The following GABRG2 variants were observed in gnomAD, a reference collection of about 807,000 sequenced individuals.
The protein encoded by GABRG2 is gamma-aminobutyric acid type A receptor subunit gamma2.
Under a neutral mutation model 56.4 loss-of-function variants are expected in GABRG2, and 16 were observed. The ratio of observed to expected loss-of-function variants is 0.28; its 90% CI spans 0.19 to 0.43. The LOEUF is 0.43. Ranked by LOEUF, GABRG2 falls within the 20% of genes least tolerant of loss-of-function variation. GABRG2 has a pLI of 1.00. For synonymous variants in GABRG2, 208 were observed against 205.5 expected, an observed-to-expected ratio of 1.01 and a Z score of -0.10; for missense variants, 327 against 582.7, an observed-to-expected ratio of 0.56 and a Z score of 4.52.
chr5:162,067,982 AG>A lies in GABRG2; in HGVS notation c.-16del, dbSNP rs758313419. 8.1e-6 allele frequency: 12 copies of A among 1,488,834 alleles called. No homozygotes were observed. The highest frequency in any genetic ancestry group is 1.1e-5 in the Non-Finnish European group (12 of 1,067,716). 92.2% of individuals were successfully genotyped at this position (1,488,834 alleles called of 1,614,324 possible). On this transcript the variant is annotated 5_prime_UTR_variant, in exon 1 of 10. Coordinates refer to ENST00000639213, the MANE Select transcript of GABRG2 (RefSeq NM_198904.4). Reference sequence around the variant, plus strand: ...CAACCAAGAGGCAAGAGGCGAGAGAAGGAAAAAAAAAAAAGCGATGAGTTCG... The same window carrying A: ...CAACCAAGAGGCAAGAGGCGAGAGAAGAAAAAAAAAAAAGCGATGAGTTCG...
At chr5:162,144,663 T>C (rs1764824512) in intron 7 of GABRG2, among the ~76,000 whole-genome samples, 1 of 152,190 alleles carries the variant, frequency 6.6e-6, no homozygotes, top group Admixed American at 6.5e-5. Context: ...CAAGGTTAGA[T>C]GACATCCACA....
At chr5:162,143,791 G>A (rs1764756672) in intron 7 of GABRG2, among the ~76,000 whole-genome samples, 1 of 152,056 alleles carries the variant, frequency 6.6e-6, no homozygotes, top group African/African-American at 2.4e-5. Flanking sequence ...TAAAGTATTC[G>A]ATGCAAATTG....
intron 6 of GABRG2, among the ~76,000 whole-genome samples, chr5:162,141,721 C>T (rs1284047878): frequency 6.6e-6 from 1 of 152,108 alleles, no homozygotes; most frequent in Non-Finnish European, 1.5e-5. Context: ...GTGTCAAGCA[C>T]CAGGATATCC....
chr5:162,122,728 TA>T (rs1763058179), intron 6 of GABRG2, among the ~76,000 whole-genome samples: 1 of 151,698 alleles, frequency 6.6e-6, no homozygotes, highest in Non-Finnish European at 1.5e-5. Context: ...GCTTCATCAG[TA>T]AATATATTTA....
At chr5:162,077,791 A>G (rs1250276129) in intron 1 of GABRG2, among the ~76,000 whole-genome samples, 2 of 152,144 alleles carry the variant, frequency 1.3e-5, no homozygotes, top group Non-Finnish European at 2.9e-5. Context: ...GGTCCTGGCC[A>G]TCTTAAGGTG....
At chr5:162,070,856 G>A (rs772097891) in intron 1 of GABRG2, among the ~76,000 whole-genome samples, 1 of 151,816 alleles carries the variant, frequency 6.6e-6, no homozygotes, top group Non-Finnish European at 1.5e-5. Context: ...ATATTCAACA[G>A]GAGTATTTTC....
intron 6 of GABRG2, among the ~76,000 whole-genome samples, chr5:162,132,100 A>G (rs796096184): frequency 1.3e-5 from 2 of 151,688 alleles, no homozygotes; most frequent in South Asian, 4.2e-4. Context: ...TCAGGTTGCT[A>G]TGGAGAATTT....
chr5:162,110,878 A>G (rs1418673778), intron 6 of GABRG2, among the ~76,000 whole-genome samples: 1 of 152,160 alleles, frequency 6.6e-6, no homozygotes, highest in East Asian at 1.9e-4. Context: ...GCTTCAATTT[A>G]GAAAGTTAGC....
chr5:162,081,081 C>T (rs903587424), intron 1 of GABRG2, among the ~76,000 whole-genome samples: 9 of 151,638 alleles, frequency 5.9e-5, no homozygotes, highest in South Asian at 2.1e-4. Context: ...TATTTCCTAC[C>T]GATAAAATTT....
At chr5:162,068,858 G>A (rs941927393) in intron 1 of GABRG2, among the ~76,000 whole-genome samples, 27 of 152,078 alleles carry the variant, frequency 1.8e-4, no homozygotes, top group Admixed American at 2.6e-4. Context: ...CCTTGATATG[G>A]GAAGGGGACT....
intron 4 of GABRG2, chr5:162,099,266 A>G (rs1451615447): frequency 6.6e-6 from 1 of 151,522 alleles, no homozygotes; most frequent in Admixed American, 6.6e-5. Flanking sequence ...GTTTATTTTT[A>G]TTTATTTATT....
chr5:162,149,084 C>T (rs1240050072), intron 7 of GABRG2, 24 bp from the exon 8 acceptor site: 5 of 1,610,196 alleles, frequency 3.1e-6, no homozygotes, highest in Admixed American at 1.7e-5. Context: ...ATCACATGAC[C>T]TGTATTATTA....
chr5:162,078,398 T>TATATATATATATATATATATATA (rs1491452559), intron 1 of GABRG2, among the ~76,000 whole-genome samples: 1 of 16,390 alleles, frequency 6.1e-5, no homozygotes, highest in African/African-American at 3.3e-4. Context: ...TATATATATA[T>TATATATATATATATATATATATA]TTTTTTTTTT....
At position 162,131,108 on chromosome 5, in the gene GABRG2, G is replaced by T. The variant is rs562013864; in HGVS notation, c.770-11056G>T. 5.3e-5 allele frequency among the ~76,000 whole-genome samples: 8 copies of T among 152,050 alleles called. No homozygotes were observed. In the South Asian group the frequency reaches 1.5e-3, roughly 28 times the overall value. Reference sequence around the variant, plus strand: ...TTTTCTTTCCAATACTTCTAAAAGGGTGTATATTTCTGTTCACAGGTCAGG... The same window carrying T: ...TTTTCTTTCCAATACTTCTAAAAGGTTGTATATTTCTGTTCACAGGTCAGG... On this transcript the variant is annotated intron_variant, in intron 6 of 9. Transcript: ENST00000639213.
chr5:162,154,980 T>C lies in GABRG2; in HGVS notation c.*1612T>C, dbSNP rs971988167. The C allele has an allele frequency of 1.3e-5, 2 of 152,136 alleles. No individual in the cohort carries two copies. Among genetic ancestry groups the C allele is most frequent in the Admixed American group, 6.6e-5 (1 of 15,244 alleles). The allele number at this position is 152,136 out of a possible 1,614,324, so 9.4% of individuals were successfully genotyped here. ...TACTCATCCTGAATCCTTATTTTTC[T>C]AAAATAGCACCCTTTGTTAATTATT... On this transcript the variant is annotated 3_prime_UTR_variant, in exon 10 of 10. Coordinates refer to ENST00000639213, the MANE Select transcript of GABRG2 (RefSeq NM_198904.4).
intron 3 of GABRG2, among the ~76,000 whole-genome samples, chr5:162,096,292 G>T (rs182042034): frequency 6.6e-6 from 1 of 151,910 alleles, no homozygotes; most frequent in Non-Finnish European, 1.5e-5. Flanking sequence ...ATAATTCTCA[G>T]AATATTTAGA....
At chr5:162,140,613 G>T (rs915623677) in intron 6 of GABRG2, among the ~76,000 whole-genome samples, 1 of 151,772 alleles carries the variant, frequency 6.6e-6, no homozygotes, top group Non-Finnish European at 1.5e-5. Flanking sequence ...CAAGCTAAAA[G>T]ATATGATTTG....
chr5:162,108,130 G>A (rs1288482114), intron 6 of GABRG2, among the ~76,000 whole-genome samples: 9 of 152,088 alleles, frequency 5.9e-5, no homozygotes, highest in African/African-American at 1.4e-4. Flanking sequence ...TTGAGACTTT[G>A]AGGGGTTCAT....
rs562960408 is a variant in GABRG2, at chr5:162,144,989, A to T, written c.922+2673A>T. 4.1e-4 allele frequency among the ~76,000 whole-genome samples: 62 copies of T among 152,312 alleles called. No individual in the cohort carries two copies. In the South Asian group the frequency reaches 0.012, roughly 30 times the overall value. On this transcript the variant is annotated intron_variant, in intron 7 of 9. Transcript: ENST00000639213. The stretch of plus-strand genomic sequence containing the variant: ...CAAACAAACAAAAAATCCACAGGTG[A>T]TTCAAACGTGCAGTCGCCTTTTAGA...
Sources: allele counts gnomAD v4.1 joint callset (sites outside exome capture counted in the v4.1 genomes callset), GRCh38; gene constraint gnomAD v4.1.1; transcripts MANE v1.5; gene names NCBI Gene and HGNC (gene_info 2026-07-23, HGNC 2026-07-21).